MYT1L: variants seen among roughly 807,000 people sequenced by gnomAD.
MYT1L encodes the protein myelin transcription factor 1-like protein.
A neutral mutation model predicts 126.7 loss-of-function variants in MYT1L; 12 were observed. The ratio of observed to expected loss-of-function variants is 0.09; its 90% CI spans 0.06 to 0.15. The LOEUF is 0.15. Among genes scored for constraint, MYT1L ranks in the 10% least tolerant of loss-of-function variants. The pLI, the probability that MYT1L is intolerant of heterozygous loss-of-function variation, is 1.00. For synonymous variants in MYT1L, 541 were observed against 604.2 expected (o/e 0.90, Z 1.53); for missense variants, 979 against 1,585.2 (o/e 0.62, Z 6.49).
At chr2:2,285,073 G>T (rs2095499949) in intron 1 of MYT1L, among the ~76,000 whole-genome samples, 1 of 152,196 alleles carries the variant, frequency 6.6e-6, no homozygotes, top group African/African-American at 2.4e-5. Flanking sequence ...AAAGAACAAG[G>T]TCAGTTGTGT....
chr2:1,914,326 G>A (rs2052505408), intron 11 of MYT1L, among the ~76,000 whole-genome samples: 1 of 151,906 alleles, frequency 6.6e-6, no homozygotes, highest in Non-Finnish European at 1.5e-5. Flanking sequence ...CAGACACACG[G>A]GGCTTTATCA....
At chr2:2,238,142 G>A (rs1433278667) in intron 2 of MYT1L, among the ~76,000 whole-genome samples, 2 of 152,162 alleles carry the variant, frequency 1.3e-5, no homozygotes, top group Non-Finnish European at 2.9e-5. Flanking sequence ...CAGAACCAGA[G>A]AACATGGGGT....
chr2:2,223,330 G>C (rs1053632735), intron 2 of MYT1L, among the ~76,000 whole-genome samples: 1 of 152,186 alleles, frequency 6.6e-6, no homozygotes, highest in Non-Finnish European at 1.5e-5. Flanking sequence ...TAAAGAGAGA[G>C]TATCTTTGCT....
chr2:1,956,574 T>TTCTTTCTTTCTATCTATCTATCTATCTA (rs1369480046), intron 8 of MYT1L, among the ~76,000 whole-genome samples: 19 of 101,518 alleles, frequency 1.9e-4, no homozygotes, highest in East Asian at 3.0e-4. Context: ...ATATTTCCTA[T>TTCTTTCTTTCTATCTATCTATCTATCTA]TCTATCTATC....
chr2:2,131,680 C>T (rs765073274), intron 3 of MYT1L, among the ~76,000 whole-genome samples: 3 of 152,040 alleles, frequency 2.0e-5, no homozygotes, highest in Non-Finnish European at 2.9e-5. Context: ...CCATGGAAAA[C>T]GGGCCACTGG....
rs1391813856 is a variant in MYT1L at position 2,228,189 on chromosome 2, G to A, written c.-420-55201C>T. On this transcript the variant is annotated intron_variant, in intron 2 of 24. Transcript: ENST00000647738. The surrounding 1 kb of genome is among the most constrained non-coding windows in gnomAD (Gnocchi z 5.9). ...TTACCTACATAAAAGACAGGGCAAGGGGGTGATTCTGTAATATACATTTTG... is the reference window on the plus strand; with the variant it reads ...TTACCTACATAAAAGACAGGGCAAGAGGGTGATTCTGTAATATACATTTTG... Among the ~76,000 whole-genome samples the A allele has an allele frequency of 1.3e-5, 2 of 152,134 alleles. No homozygotes were observed. The highest frequency in any genetic ancestry group is 2.9e-5 in the Non-Finnish European group (2 of 68,020).
chr2:2,285,019 G>A (rs2095498984), intron 1 of MYT1L, among the ~76,000 whole-genome samples: 1 of 152,162 alleles, frequency 6.6e-6, no homozygotes. Flanking sequence ...CCTGGCCAAA[G>A]TTGTACTTCT....
chr2:1,823,522 G>T (rs186506346), intron 21 of MYT1L, among the ~76,000 whole-genome samples: 5 of 152,216 alleles, frequency 3.3e-5, no homozygotes, highest in Admixed American at 6.5e-5. Context: ...CCCCCAGGAC[G>T]GAAGCGAAGG....
intron 18 of MYT1L, among the ~76,000 whole-genome samples, chr2:1,857,832 TA>T (rs946167072): frequency 2.0e-5 from 3 of 151,594 alleles, no homozygotes; most frequent in Non-Finnish European, 2.9e-5. Context: ...AGAGACATGG[TA>T]AAAAAAATTT....
chr2:2,168,968 A>T (rs2089596412), intron 3 of MYT1L, among the ~76,000 whole-genome samples: 1 of 152,204 alleles, frequency 6.6e-6, no homozygotes, highest in Non-Finnish European at 1.5e-5. Context: ...AAAACAATAC[A>T]GTTCTGGGAA....
intron 21 of MYT1L, among the ~76,000 whole-genome samples, chr2:1,812,875 CAAAAAAAAAAA>C (rs33917296): frequency 3.3e-5 from 2 of 59,760 alleles, no homozygotes; most frequent in Non-Finnish European, 6.8e-5. Context: ...GACTCCGTCT[CAAAAAAAAAAA>C]AAAAAAAAAA....
chr2:2,222,642 C>G lies in MYT1L; in HGVS notation c.-420-49654G>C, dbSNP rs1033883796. On this transcript the variant is annotated intron_variant, in intron 2 of 24. Coordinates refer to ENST00000647738, the MANE Select transcript of MYT1L (RefSeq NM_001303052.2). ...GGTTCCTTTTTTGGCCATATTATCA[C>G]AATCCTAAAGAGGGCTAAGATGTAA... is the stretch of plus-strand genomic sequence containing the variant. Among the ~76,000 whole-genome samples the G allele has an allele frequency of 3.3e-5, 5 of 152,078 alleles. No individual in the cohort carries two copies. In the East Asian group the frequency reaches 9.7e-4, roughly 29 times the overall value.
At chr2:2,311,237 A>G (rs1009979740) in intron 1 of MYT1L, among the ~76,000 whole-genome samples, 1 of 152,218 alleles carries the variant, frequency 6.6e-6, no homozygotes, top group African/African-American at 2.4e-5. Context: ...CAAGCTGACA[A>G]TGCATGAGAA....
chr2:2,262,162 T>G (rs2094984824), intron 2 of MYT1L, among the ~76,000 whole-genome samples: 1 of 152,208 alleles, frequency 6.6e-6, no homozygotes, highest in Non-Finnish European at 1.5e-5. Flanking sequence ...AGGCACTAAA[T>G]AAATATTTGT....
At chr2:1,877,993 A>G (rs770224630) in intron 18 of MYT1L, among the ~76,000 whole-genome samples, 14 of 152,320 alleles carry the variant, frequency 9.2e-5, no homozygotes, top group South Asian at 2.1e-4. Context: ...GAAGGCCCCA[A>G]TTATTAGCCA....
At chr2:2,024,505 T>C (rs2065333407) in intron 4 of MYT1L, among the ~76,000 whole-genome samples, 1 of 152,210 alleles carries the variant, frequency 6.6e-6, no homozygotes, top group Non-Finnish European at 1.5e-5. Context: ...TCTGCCAAAT[T>C]AAAATGTTTC....
chr2:1,819,746 A>G (rs1572536168), intron 21 of MYT1L, among the ~76,000 whole-genome samples: 2 of 152,356 alleles, frequency 1.3e-5, no homozygotes. Flanking sequence ...ATTTGTTTGA[A>G]GAGGACAAGG....
intron 3 of MYT1L, among the ~76,000 whole-genome samples, chr2:2,138,221 T>C (rs1420067941): frequency 1.3e-5 from 2 of 150,452 alleles, no homozygotes. Context: ...TGTGGAGAAA[T>C]AGGAACACTT....
At chr2:2,226,279 G>A (rs1488638185) in intron 2 of MYT1L, among the ~76,000 whole-genome samples, 2 of 152,102 alleles carry the variant, frequency 1.3e-5, no homozygotes, top group African/African-American at 2.4e-5. Flanking sequence ...TTTCAACATC[G>A]TATCAGCCTG....
Sources: allele counts gnomAD v4.1 joint callset (sites outside exome capture counted in the v4.1 genomes callset), GRCh38; gene constraint gnomAD v4.1.1; non-coding constraint Gnocchi (gnomAD v3.1); transcripts MANE v1.5; gene names NCBI Gene and HGNC (gene_info 2026-07-23, HGNC 2026-07-21).